Variants in GPC6 observed in about 807,000 individuals in gnomAD.
GPC6 encodes the protein glypican-6.
In GPC6, 14 loss-of-function variants were observed where a neutral mutation model predicts 55.2. The observed-to-expected ratio is 0.25, with a 90% confidence interval of 0.17 to 0.40. GPC6 has a LOEUF of 0.40. GPC6 is among the 10% of genes least tolerant of loss of function. The pLI is 1.00. For missense variants in GPC6, 641 were observed against 708.5 expected (o/e 0.90, Z 1.08); for synonymous variants, 278 against 259.6 (o/e 1.07, Z -0.68).
intron 1 of GPC6, among the ~76,000 whole-genome samples, chr13:93,510,106 C>T (rs931614715): frequency 5.3e-5 from 8 of 152,106 alleles, no homozygotes; most frequent in Non-Finnish European, 8.8e-5. Context: ...TTTATGCCCT[C>T]AAACCAATTT....
intron 1 of GPC6, among the ~76,000 whole-genome samples, chr13:93,469,945 T>G (rs962497726): frequency 1.3e-5 from 2 of 152,170 alleles, no homozygotes; most frequent in African/African-American, 4.8e-5. Flanking sequence ...AGTATGTTTA[T>G]TTCTGTGTTC....
intron 4 of GPC6, among the ~76,000 whole-genome samples, chr13:94,036,945 A>C (rs886105530): frequency 5.9e-5 from 9 of 152,030 alleles, no homozygotes; most frequent in African/African-American, 2.2e-4. Flanking sequence ...CTTTAAATTC[A>C]GTGCCTCTAG....
chr13:94,147,016 T>C (rs1887583829), intron 4 of GPC6, among the ~76,000 whole-genome samples: 1 of 152,190 alleles, frequency 6.6e-6, no homozygotes, highest in Admixed American at 6.6e-5. Flanking sequence ...AGGCAGGTTA[T>C]TACCTTGGAT....
chr13:94,051,866 A>G (rs572152748), intron 4 of GPC6, among the ~76,000 whole-genome samples: 1 of 152,308 alleles, frequency 6.6e-6, no homozygotes, highest in South Asian at 2.1e-4. Context: ...AAGAACATTT[A>G]TATTTCTTAT....
intron 2 of GPC6, among the ~76,000 whole-genome samples, chr13:93,704,027 A>C (rs938790793): frequency 6.6e-6 from 1 of 151,996 alleles, no homozygotes; most frequent in Admixed American, 6.6e-5. Flanking sequence ...CCAATAATTT[A>C]GGGAATTTTT....
intron 1 of GPC6, among the ~76,000 whole-genome samples, chr13:93,305,770 C>T (rs569952705): frequency 1.1e-4 from 16 of 152,226 alleles, no homozygotes; most frequent in Admixed American, 3.9e-4. Context: ...TACAGAAAAG[C>T]GATACAGATT....
chr13:93,677,283 G>A (rs1881670021), intron 2 of GPC6, among the ~76,000 whole-genome samples: 1 of 152,100 alleles, frequency 6.6e-6, no homozygotes, highest in East Asian at 1.9e-4. Context: ...ATTTTAAATT[G>A]TGTATCGTTC....
At chr13:94,240,254 C>G (rs1311739640) in intron 4 of GPC6, among the ~76,000 whole-genome samples, 1 of 152,100 alleles carries the variant, frequency 6.6e-6, no homozygotes, top group African/African-American at 2.4e-5. Flanking sequence ...CATAGGCAAC[C>G]GCCCTGGGGC....
At chr13:93,221,576 A>T in the GPC6 span, among the ~76,000 whole-genome samples, 1 of 152,218 alleles carries the variant, frequency 6.6e-6, no homozygotes, top group African/African-American at 2.4e-5. Context: ...AGCACTAGGT[A>T]TATGTTTAAG....
chr13:93,576,852 G>A (rs1481526396), intron 2 of GPC6, among the ~76,000 whole-genome samples: 2 of 152,130 alleles, frequency 1.3e-5, no homozygotes, highest in South Asian at 4.1e-4. Context: ...ATTATGGACA[G>A]GAGAGAACTT....
intron 4 of GPC6, among the ~76,000 whole-genome samples, chr13:94,266,151 C>CTTTTTTTTTTTTTTT (rs111623457): frequency 3.5e-5 from 5 of 142,832 alleles, no homozygotes; most frequent in Non-Finnish European, 6.1e-5. Context: ...CTTTTCTTTT[C>CTTTTTTTTTTTTTTT]TTTTTTTTTT....
intron 1 of GPC6, among the ~76,000 whole-genome samples, chr13:93,267,009 A>G (rs1243498692): frequency 6.6e-6 from 1 of 152,178 alleles, no homozygotes; most frequent in Non-Finnish European, 1.5e-5. Context: ...CACCTACTTT[A>G]GTTTATTGCT....
chr13:94,377,566 G>A (rs948256653), intron 6 of GPC6, among the ~76,000 whole-genome samples: 8 of 149,072 alleles, frequency 5.4e-5, no homozygotes, highest in African/African-American at 2.0e-4. Context: ...GAGAGGATGT[G>A]GAGAAATAGG....
chr13:93,608,238 A>G (rs1179842077), intron 2 of GPC6, among the ~76,000 whole-genome samples: 1 of 151,826 alleles, frequency 6.6e-6, no homozygotes, highest in Non-Finnish European at 1.5e-5. Flanking sequence ...GAACAAATGC[A>G]TCTTCTGAGT....
rs138170514 is a variant in GPC6 at position 93,666,893 on chromosome 13, G to A, written c.319+121472G>A. 2.1e-3 allele frequency among the ~76,000 whole-genome samples: 325 copies of A among 151,984 alleles called. 1 individual carries two copies. The highest frequency in any genetic ancestry group is 7.5e-3 in the African/African-American group (312 of 41,476). On this transcript the variant is annotated intron_variant, in intron 2 of 8. Transcript: ENST00000377047. The stretch of plus-strand genomic sequence containing the variant: ...CTCTGTATATTTAACTGTGGAAATC[G>A]GACTTAAATTATTCATACTTATTTC...
intron 2 of GPC6, among the ~76,000 whole-genome samples, chr13:93,553,624 GGC>G (rs1460342195): frequency 6.7e-5 from 10 of 149,270 alleles, no homozygotes; most frequent in Non-Finnish European, 1.0e-4. Context: ...GTACCCAGGA[GGC>G]AGAGGTTGCA....
chr13:94,073,315 G>T (rs944394032), intron 4 of GPC6, among the ~76,000 whole-genome samples: 2 of 152,166 alleles, frequency 1.3e-5, no homozygotes, highest in Non-Finnish European at 2.9e-5. Context: ...CTTTACATAA[G>T]CTTCTTTTGT....
chr13:93,233,785 G>C (rs923192978), intron 1 of GPC6, among the ~76,000 whole-genome samples: 5 of 152,162 alleles, frequency 3.3e-5, no homozygotes, highest in African/African-American at 1.2e-4. Context: ...GGGGAGACTG[G>C]TCAGTGAGTG....
intron 1 of GPC6, among the ~76,000 whole-genome samples, chr13:93,467,412 T>C (rs570266430): frequency 6.6e-6 from 1 of 152,168 alleles, no homozygotes; most frequent in African/African-American, 2.4e-5. Flanking sequence ...TGGGATTAAT[T>C]TAGTACATAT....
Sources: gnomAD v4.1 joint callset for allele counts (sites outside exome capture counted in the v4.1 genomes callset) on GRCh38, gnomAD v4.1.1 for gene constraint, MANE v1.5 for transcripts, NCBI Gene and HGNC (gene_info 2026-07-23, HGNC 2026-07-21) for gene names.